The following SOX6 variants were observed in gnomAD, a reference collection of about 807,000 sequenced individuals.
The protein encoded by SOX6 is SRY-box transcription factor 6.
In SOX6, 11 loss-of-function variants were observed where a neutral mutation model predicts 97.8. The ratio of observed to expected loss-of-function variants is 0.11; its 90% confidence interval spans 0.07 to 0.19. The LOEUF is 0.19. Among genes scored for constraint, SOX6 ranks in the 10% least tolerant of loss-of-function variants. The pLI, the probability that SOX6 is intolerant of heterozygous loss-of-function variation, is 1.00. For missense variants in SOX6, 810 were observed against 1,039.5 expected (o/e 0.78, Z 3.04); for synonymous variants, 360 against 371.4 (o/e 0.97, Z 0.35).
chr11:16,218,698 C>T (rs952837917), intron 4 of SOX6, among the ~76,000 whole-genome samples: 2 of 151,522 alleles, frequency 1.3e-5, no homozygotes, highest in African/African-American at 4.9e-5. Context: ...TAAATCTCCC[C>T]TCTTTCATGG....
At position 15,971,258 on chromosome 11, in the gene SOX6, CTT is replaced by C. The variant is rs1189407295; in HGVS notation, c.*1549_*1550del. 1 of 152,704 alleles carries C rather than the reference CTT, an allele frequency of 6.5e-6. No homozygotes were observed. The highest frequency in any genetic ancestry group is 2.4e-5 in the African/African-American group (1 of 41,460). The allele number at this position is 152,704 out of a possible 1,614,324, so 9.5% of individuals were successfully genotyped here. A position where few individuals can be genotyped will look rare whatever the true frequency, so the allele number is the denominator to read the frequency against. ...ATGTATCATGACTATTTGCCACCAT[CTT>C]TGCTCTGAGGCTGTCATGTGGCTTT... On this transcript the variant is annotated 3_prime_UTR_variant, in exon 16 of 16. Transcript: ENST00000683767.
At chr11:16,130,061 AT>A (rs930723147) in intron 6 of SOX6, among the ~76,000 whole-genome samples, 1 of 152,036 alleles carries the variant, frequency 6.6e-6, no homozygotes, top group African/African-American at 2.4e-5. Context: ...AATCTTAAGA[AT>A]TTTTTTAAAG....
chr11:16,008,573 T>C (rs1387955278), intron 13 of SOX6, among the ~76,000 whole-genome samples: 1 of 152,042 alleles, frequency 6.6e-6, no homozygotes, highest in Admixed American at 6.6e-5. Context: ...TATTAGGAGA[T>C]GGAGTTATAC....
chr11:16,609,632 CAGA>C (rs2133981783), intron 4 of SOX6, among the ~76,000 whole-genome samples: 2 of 152,302 alleles, frequency 1.3e-5, no homozygotes, highest in South Asian at 4.1e-4. Context: ...GATGCAAGCA[CAGA>C]AGATGGAACA....
intron 1 of SOX6, among the ~76,000 whole-genome samples, chr11:16,375,145 T>C (rs1262163362): frequency 1.3e-5 from 2 of 152,002 alleles, no homozygotes; most frequent in East Asian, 3.8e-4. Context: ...AAAAGAAGCC[T>C]CAGAAGTTTA....
At chr11:16,036,616 C>G (rs893892515) in intron 12 of SOX6, among the ~76,000 whole-genome samples, 2 of 152,128 alleles carry the variant, frequency 1.3e-5, no homozygotes, top group Non-Finnish European at 2.9e-5. Context: ...CACATTAGAT[C>G]CCGAATTCCC....
At chr11:16,523,195 C>A (rs1861100395) in intron 4 of SOX6, among the ~76,000 whole-genome samples, 1 of 151,984 alleles carries the variant, frequency 6.6e-6, no homozygotes, top group Non-Finnish European at 1.5e-5. Context: ...TTCAGCACCA[C>A]ACCACACCTA....
rs949669425 is a variant in SOX6 at position 16,126,723 on chromosome 11, A to G, written c.778-14800T>C. Among the ~76,000 whole-genome samples, 36 of 152,146 alleles carry G rather than the reference A, an allele frequency of 2.4e-4. 1 individual carries two copies. ...CTGCTACACAGAACAAGCTCTTAAA[A>G]CACAGAAACTAGACAAGGCACAAAG... On this transcript the variant is annotated intron_variant, in intron 6 of 15. Transcript: ENST00000683767.
chr11:16,588,420 G>A (rs1269638826), intron 4 of SOX6, among the ~76,000 whole-genome samples: 3 of 152,112 alleles, frequency 2.0e-5, no homozygotes, highest in Admixed American at 6.6e-5. Context: ...ATATACCAAC[G>A]AGTTAGAGAA....
At chr11:16,108,378 T>C (rs1299447514) in intron 7 of SOX6, among the ~76,000 whole-genome samples, 3 of 152,148 alleles carry the variant, frequency 2.0e-5, no homozygotes, top group Non-Finnish European at 4.4e-5. Context: ...GCCTGAAGTA[T>C]GAAGGGGGCT....
chr11:15,974,159 T>A (rs532195322), intron 15 of SOX6, among the ~76,000 whole-genome samples: 20 of 152,174 alleles, frequency 1.3e-4, no homozygotes, highest in Non-Finnish European at 2.4e-4. Context: ...TGTTTCTACA[T>A]ATTTATACAA....
intron 4 of SOX6, among the ~76,000 whole-genome samples, chr11:16,189,808 AGAAGGT>A (rs1007588014): frequency 2.0e-5 from 3 of 152,116 alleles, no homozygotes; most frequent in African/African-American, 7.2e-5. Flanking sequence ...ATAAGTTAAG[AGAAGGT>A]TTATTGGATA....
rs1423361197 is a variant in SOX6 at position 16,234,581 on chromosome 11, C to A, written c.535+1G>T. On this transcript the variant is annotated splice_donor_variant, in intron 4 of 15. Transcript: ENST00000683767. LOFTEE classifies it high-confidence loss of function. ...CATGTTCGATATATTTTATGTTGTA[C>A]CTTTAATTTCTCCAAGAAGTTCACT... 1 of 1,531,356 alleles carries A rather than the reference C, an allele frequency of 6.5e-7. No individual in the cohort carries two copies. The highest frequency in any genetic ancestry group is 9.0e-7 in the Non-Finnish European group (1 of 1,109,084). The allele number at this position is 1,531,356 out of a possible 1,614,324, so 94.9% of individuals were successfully genotyped here.
intron 1 of SOX6, among the ~76,000 whole-genome samples, chr11:16,436,239 A>T (rs1011684125): frequency 2.6e-5 from 4 of 152,200 alleles, no homozygotes; most frequent in African/African-American, 9.6e-5. Flanking sequence ...GCTGTTGGTC[A>T]CTTCCTTCTT....
intron 3 of SOX6, among the ~76,000 whole-genome samples, chr11:16,653,070 A>T (rs1219723956): frequency 2.6e-5 from 4 of 152,208 alleles, no homozygotes; most frequent in Non-Finnish European, 4.4e-5. Flanking sequence ...ATGAGCTACC[A>T]CCTTACTCCT....
chr11:16,594,414 T>C (rs1007938390), intron 4 of SOX6, among the ~76,000 whole-genome samples: 1 of 152,136 alleles, frequency 6.6e-6, no homozygotes, highest in Non-Finnish European at 1.5e-5. Flanking sequence ...GCTAACAATT[T>C]CTTTAAAAAT....
chr11:16,467,450 T>A, intron 1 of SOX6, among the ~76,000 whole-genome samples: 1 of 152,336 alleles, frequency 6.6e-6, no homozygotes. Flanking sequence ...TGGAATACTA[T>A]GCAGCCATAA....
At chr11:16,540,042 C>T (rs1440137798) in intron 4 of SOX6, among the ~76,000 whole-genome samples, 1 of 152,140 alleles carries the variant, frequency 6.6e-6, no homozygotes, top group Admixed American at 6.5e-5. Flanking sequence ...GACCAATATC[C>T]TTGATGAACT....
At chr11:16,651,476 A>G (rs1181162006) in intron 3 of SOX6, among the ~76,000 whole-genome samples, 1 of 152,198 alleles carries the variant, frequency 6.6e-6, no homozygotes, top group African/African-American at 2.4e-5. Context: ...TGACAGATGC[A>G]AGTCAATAAA....
Sources: allele counts gnomAD v4.1 joint callset (sites outside exome capture counted in the v4.1 genomes callset), GRCh38; gene constraint gnomAD v4.1.1; transcripts MANE v1.5; gene names NCBI Gene and HGNC (gene_info 2026-07-23, HGNC 2026-07-21).